Variants in PAK5 observed in about 807,000 individuals in gnomAD.
PAK5 encodes p21 (RAC1) activated kinase 5.
PAK5 carries 16 observed loss-of-function variants against 65.9 expected under a neutral mutation model. That is an observed-to-expected ratio of 0.24 (90% confidence interval 0.16 to 0.37). PAK5 has a LOEUF of 0.37. Ranked by LOEUF, PAK5 falls within the 10% of genes least tolerant of loss-of-function variation. The pLI, the probability that PAK5 is intolerant of heterozygous loss-of-function variation, is 1.00. For missense variants in PAK5, 785 were observed against 903.9 expected (o/e 0.87, Z 1.69); for synonymous variants, 371 against 354.9 (o/e 1.05, Z -0.51).
intron 3 of PAK5, among the ~76,000 whole-genome samples, chr20:9,586,462 A>T (rs2046072026): frequency 6.6e-6 from 1 of 152,196 alleles, no homozygotes; most frequent in African/African-American, 2.4e-5. Context: ...AAAAAGAGGC[A>T]TCTATTTATC....
At chr20:9,625,836 A>G (rs2123206611) in intron 3 of PAK5, among the ~76,000 whole-genome samples, 1 of 152,290 alleles carries the variant, frequency 6.6e-6, no homozygotes, top group Admixed American at 6.5e-5. Context: ...TTATTCATTA[A>G]CTTGAAAATC....
At chr20:9,833,366 A>G (rs1338568318) in intron 1 of PAK5, among the ~76,000 whole-genome samples, 1 of 152,064 alleles carries the variant, frequency 6.6e-6, no homozygotes. Flanking sequence ...CAATGATCAA[A>G]TTTACTTTTG....
chr20:9,726,399 A>G (rs2048277982), intron 1 of PAK5, among the ~76,000 whole-genome samples: 3 of 152,148 alleles, frequency 2.0e-5, no homozygotes, highest in Non-Finnish European at 4.4e-5. Context: ...ATCGCAGTCA[A>G]AAAGTAATAG....
intron 1 of PAK5, among the ~76,000 whole-genome samples, chr20:9,763,001 A>C (rs1282313199): frequency 6.6e-6 from 1 of 152,166 alleles, no homozygotes; most frequent in African/African-American, 2.4e-5. Context: ...TGCTAAGTGA[A>C]ATAAGCCAGA....
At chr20:9,749,253 A>G (rs2048546445) in intron 1 of PAK5, among the ~76,000 whole-genome samples, 1 of 152,124 alleles carries the variant, frequency 6.6e-6, no homozygotes, top group Non-Finnish European at 1.5e-5. Context: ...AGAGCTACCA[A>G]CTCACATACA....
chr20:9,671,066 C>A (rs555728009), intron 2 of PAK5, among the ~76,000 whole-genome samples: 1 of 152,054 alleles, frequency 6.6e-6, no homozygotes, highest in Admixed American at 6.6e-5. Context: ...TCAGGTTTGT[C>A]GAAGATCAGA....
At chr20:9,685,439 G>A (rs2047705460) in intron 2 of PAK5, among the ~76,000 whole-genome samples, 1 of 152,152 alleles carries the variant, frequency 6.6e-6, no homozygotes, top group Non-Finnish European at 1.5e-5. Flanking sequence ...TATACACAGG[G>A]AGAACCACAA....
intron 1 of PAK5, among the ~76,000 whole-genome samples, chr20:9,778,472 A>C (rs905685197): frequency 1.3e-5 from 2 of 152,098 alleles, no homozygotes; most frequent in Admixed American, 1.3e-4. Context: ...TCCTGGCATC[A>C]ACCAATCCAC....
chr20:9,640,821 T>A (rs2047047755), intron 3 of PAK5, among the ~76,000 whole-genome samples: 1 of 152,088 alleles, frequency 6.6e-6, no homozygotes, highest in African/African-American at 2.4e-5. Flanking sequence ...GGTGGGCTCG[T>A]GGTCTCGCTG....
chr20:9,584,941 G>A (rs907334746), intron 3 of PAK5, among the ~76,000 whole-genome samples: 6 of 152,148 alleles, frequency 3.9e-5, no homozygotes, highest in African/African-American at 1.4e-4. Flanking sequence ...TGTGTTGACA[G>A]ATGTGCCACA....
chr20:9,719,473 C>G (rs1234636363), intron 1 of PAK5, among the ~76,000 whole-genome samples: 1 of 152,084 alleles, frequency 6.6e-6, no homozygotes, highest in Non-Finnish European at 1.5e-5. Flanking sequence ...TCCTTTGAGA[C>G]AATAGAAGAA....
chr20:9,555,263 G>A (rs1324787892), intron 7 of PAK5, among the ~76,000 whole-genome samples: 1 of 152,188 alleles, frequency 6.6e-6, no homozygotes, highest in Non-Finnish European at 1.5e-5. Context: ...ATTTATGTGA[G>A]CTCTTTACAG....
intron 2 of PAK5, among the ~76,000 whole-genome samples, chr20:9,650,194 A>T (rs1244252523): frequency 6.6e-6 from 1 of 152,240 alleles, no homozygotes; most frequent in Non-Finnish European, 1.5e-5. Context: ...GGACTGGATG[A>T]TCTGAATGTT....
At chr20:9,737,834 G>A (rs1403611597) in intron 1 of PAK5, among the ~76,000 whole-genome samples, 1 of 152,154 alleles carries the variant, frequency 6.6e-6, no homozygotes, top group African/African-American at 2.4e-5. Context: ...ACCATACCAA[G>A]TGTTAGTAAG....
intron 3 of PAK5, among the ~76,000 whole-genome samples, chr20:9,621,434 G>T (rs1233591888): frequency 2.8e-5 from 4 of 144,438 alleles, no homozygotes; most frequent in Non-Finnish European, 6.0e-5. Context: ...GACACACCTA[G>T]GCATATCCTG....
chr20:9,682,103 AT>A (rs1393405338), intron 2 of PAK5, among the ~76,000 whole-genome samples: 2 of 152,198 alleles, frequency 1.3e-5, no homozygotes, highest in Non-Finnish European at 1.5e-5. Flanking sequence ...CATGCCTGTA[AT>A]CCCAGCACTT....
rs138763529 is a variant in PAK5 at position 9,709,941 on chromosome 20, C to A, written c.-12+1345G>T. 3.7e-3 allele frequency among the ~76,000 whole-genome samples: 563 copies of A among 152,306 alleles called. 5 individuals are homozygous for A. The highest frequency in any genetic ancestry group is 0.013 in the African/African-American group (543 of 41,566). Reference sequence around the variant, plus strand: ...TGGTTACATAATACAAGATGTGAAACCCTCACTGCACAGAGGATAAGTTTC... The same window carrying A: ...TGGTTACATAATACAAGATGTGAAAACCTCACTGCACAGAGGATAAGTTTC... On this transcript the variant is annotated intron_variant, in intron 2 of 9. Transcript: ENST00000353224.
intron 4 of PAK5, among the ~76,000 whole-genome samples, chr20:9,573,687 C>G (rs1055036399): frequency 2.0e-5 from 3 of 152,142 alleles, no homozygotes; most frequent in African/African-American, 7.2e-5. Context: ...GCAGGAGCAT[C>G]TATTTGGCAC....
chr20:9,641,965 CCT>C lies in PAK5; in HGVS notation c.204+2158_204+2159del, dbSNP rs1428471514. ...CATGCAGCCCCGGTTCCCACTTGTGCCTCTCCCTCCACACCTCCCTGCAAGCT... is the reference window on the plus strand; with the variant it reads ...CATGCAGCCCCGGTTCCCACTTGTGCCTCCCTCCACACCTCCCTGCAAGCT... On this transcript the variant is annotated intron_variant, in intron 3 of 9. Coordinates refer to ENST00000353224, the MANE Select transcript of PAK5 (RefSeq NM_177990.4). 3.9e-5 allele frequency among the ~76,000 whole-genome samples: 6 copies of C among 152,296 alleles called. 1 individual carries two copies. Among genetic ancestry groups the C allele is most frequent in the African/African-American group, 9.6e-5 (4 of 41,566 alleles).
Sources: allele counts gnomAD v4.1 joint callset (sites outside exome capture counted in the v4.1 genomes callset), GRCh38; gene constraint gnomAD v4.1.1; transcripts MANE v1.5; gene names NCBI Gene and HGNC (gene_info 2026-07-23, HGNC 2026-07-21).